GALK2: variants seen among roughly 807,000 people sequenced by gnomAD.
GALK2 encodes the protein N-acetylgalactosamine kinase.
GALK2 carries 36 observed loss-of-function variants against 52.4 expected under a neutral mutation model. The ratio of observed to expected loss-of-function variants is 0.69; its 90% CI spans 0.53 to 0.91. The LOEUF (loss-of-function observed/expected upper bound fraction) is 0.91, where lower values mean the gene tolerates loss of function less well. GALK2 is among the 40% of genes least tolerant of loss of function. The pLI is 0.00. For synonymous variants in GALK2, 176 were observed against 199.1 expected (o/e 0.88, Z 0.98); for missense variants, 579 against 559.1 (o/e 1.04, Z -0.36).
chr15:49,264,959 C>A (rs189673989), intron 5 of GALK2, among the ~76,000 whole-genome samples: 7 of 152,246 alleles, frequency 4.6e-5, no homozygotes, highest in Middle Eastern at 3.4e-3. Flanking sequence ...AGTACCCAGC[C>A]GTGTGAGGTG....
intron 3 of GALK2, 80 bp downstream of exon 3, chr15:49,217,393 T>G (rs1033416890): frequency 5.3e-5 from 69 of 1,305,710 alleles, no homozygotes; most frequent in Non-Finnish European, 6.6e-5. Context: ...GACATCAAAT[T>G]TGTAACAGGT....
At chr15:49,335,615 T>C, downstream of GALK2, 1 of 634,868 alleles carries the variant, frequency 1.6e-6, no homozygotes, top group Non-Finnish European at 2.8e-6. Context: ...ATGAAGAGTC[T>C]CAAGTATAAA....
intron 2 of GALK2, among the ~76,000 whole-genome samples, chr15:49,215,310 C>G (rs922508213): frequency 6.6e-6 from 1 of 152,182 alleles, no homozygotes; most frequent in African/African-American, 2.4e-5. Context: ...ACTGAATAAA[C>G]TTTCTACCCT....
At chr15:49,293,193 A>G (rs144795456) in intron 8 of GALK2, among the ~76,000 whole-genome samples, 200 of 152,294 alleles carry the variant, frequency 1.3e-3, no homozygotes, top group African/African-American at 4.4e-3. Flanking sequence ...TAATACAAAC[A>G]TCAGCCTCAG....
At chr15:49,344,785 G>A (rs774222035) in intron 3 of GALK2, among the ~76,000 whole-genome samples, 1 of 152,090 alleles carries the variant, frequency 6.6e-6, no homozygotes, top group Non-Finnish European at 1.5e-5. Context: ...TCAAATAAAA[G>A]GTTCAGCAAT....
At chr15:49,253,941 T>C (rs893970039) in intron 5 of GALK2, among the ~76,000 whole-genome samples, 2 of 144,216 alleles carry the variant, frequency 1.4e-5, no homozygotes, top group African/African-American at 5.0e-5. Flanking sequence ...TTCTGGATCT[T>C]GGGTCAGCCA....
intron 3 of GALK2, among the ~76,000 whole-genome samples, chr15:49,347,910 T>G (rs575315035): frequency 2.7e-5 from 4 of 150,564 alleles, no homozygotes; most frequent in African/African-American, 9.8e-5. Context: ...TCCCAGCTAC[T>G]CGGGAGGCTG....
intron 8 of GALK2, among the ~76,000 whole-genome samples, chr15:49,300,777 C>T (rs1036670967): frequency 1.3e-5 from 2 of 152,106 alleles, no homozygotes; most frequent in South Asian, 2.1e-4. Flanking sequence ...CTTCTCATTC[C>T]GCCATGATTA....
At chr15:49,208,556 T>C (rs1019462953) in intron 2 of GALK2, among the ~76,000 whole-genome samples, 7 of 152,226 alleles carry the variant, frequency 4.6e-5, no homozygotes, top group African/African-American at 1.7e-4. Flanking sequence ...TTATTAAGGC[T>C]TGTTTTGTGG....
chr15:49,278,509 AC>A (rs1307499301), intron 5 of GALK2, among the ~76,000 whole-genome samples: 2 of 152,238 alleles, frequency 1.3e-5, no homozygotes, highest in Non-Finnish European at 2.9e-5. Flanking sequence ...TAAAGATAAC[AC>A]CAACTGTGTA....
At chr15:49,219,424 G>A (rs2089630040) in intron 3 of GALK2, among the ~76,000 whole-genome samples, 1 of 152,188 alleles carries the variant, frequency 6.6e-6, no homozygotes. Context: ...ATGTGGAACT[G>A]TAAGTTCATT....
intron 7 of GALK2, among the ~76,000 whole-genome samples, chr15:49,288,472 A>T (rs1200710714): frequency 6.6e-6 from 1 of 152,180 alleles, no homozygotes; most frequent in Admixed American, 6.6e-5. Flanking sequence ...AGTTGGTATG[A>T]AACTTATTCT....
chr15:49,235,518 C>G (rs2090755600), intron 3 of GALK2: 5 of 441,152 alleles, frequency 1.1e-5, no homozygotes, highest in Non-Finnish European at 2.2e-5. Flanking sequence ...AACAGCAGGC[C>G]CAGAGGATAA....
chr15:49,177,410 T>C (rs577108691), intron 1 of GALK2, among the ~76,000 whole-genome samples: 1 of 152,336 alleles, frequency 6.6e-6, no homozygotes, highest in African/African-American at 2.4e-5. Context: ...GACAAAAAAG[T>C]TTATCTTACT....
chr15:49,319,336 G>T (rs2036695122), intron 8 of GALK2, among the ~76,000 whole-genome samples: 1 of 152,158 alleles, frequency 6.6e-6, no homozygotes, highest in Non-Finnish European at 1.5e-5. Flanking sequence ...GGATGGATTA[G>T]ATTGCACACA....
At chr15:49,218,316 A>G (rs1157237527) in intron 3 of GALK2, among the ~76,000 whole-genome samples, 1 of 152,196 alleles carries the variant, frequency 6.6e-6, no homozygotes, top group South Asian at 2.1e-4. Flanking sequence ...CATTATGTCA[A>G]GCATATTTTC....
exon 4 of GALK2, chr15:49,367,532 T>G (rs1176407209): frequency 6.2e-7 from 1 of 1,607,774 alleles, no homozygotes; most frequent in Non-Finnish European, 8.5e-7. Flanking sequence ...CTTAAGATAA[T>G]ATAAAATCAA....
chr15:49,244,499 C>CAGTT (rs2091254055), intron 5 of GALK2, among the ~76,000 whole-genome samples: 1 of 152,134 alleles, frequency 6.6e-6, no homozygotes, highest in Non-Finnish European at 1.5e-5. Flanking sequence ...AAGATAAAGG[C>CAGTT]AGTTGATAAA....
intron 3 of GALK2, among the ~76,000 whole-genome samples, chr15:49,354,341 C>G (rs2151327303): frequency 6.6e-6 from 1 of 152,318 alleles, no homozygotes; most frequent in African/African-American, 2.4e-5. Flanking sequence ...GTACCGGGTT[C>G]ATCTCACTAG....
Sources: allele counts gnomAD v4.1 joint callset (sites outside exome capture counted in the v4.1 genomes callset), GRCh38; gene constraint gnomAD v4.1.1; transcripts MANE v1.5; gene names NCBI Gene and HGNC (gene_info 2026-07-23, HGNC 2026-07-21).